The following CCSER1 variants were observed in gnomAD, a reference collection of about 807,000 sequenced individuals.
CCSER1 encodes coiled-coil serine rich protein 1.
Under a neutral mutation model 82.0 loss-of-function variants are expected in CCSER1, and 41 were observed. The ratio of observed to expected loss-of-function variants is 0.50; its 90% CI spans 0.39 to 0.65. The LOEUF is 0.65. CCSER1 is among the 30% of genes least tolerant of loss of function. The pLI is 0.00. For missense variants in CCSER1, 1,119 were observed against 1,064.2 expected (o/e 1.05, Z -0.72); for synonymous variants, 414 against 383.9 (o/e 1.08, Z -0.92).
At chr4:90,795,287 C>CA (rs55780432) in intron 7 of CCSER1, among the ~76,000 whole-genome samples, 26,621 of 127,306 alleles carry the variant, frequency 0.21, 3,094 homozygotes, top group Middle Eastern at 0.29. Context: ...AACTCTGTCT[C>CA]AAAAAAAAAA....
chr4:90,918,649 A>G (rs1157301753), intron 8 of CCSER1, among the ~76,000 whole-genome samples: 3 of 151,450 alleles, frequency 2.0e-5, no homozygotes, highest in South Asian at 2.1e-4. Flanking sequence ...ATATATATAT[A>G]TATATTAGTA....
chr4:90,522,905 A>T (rs1578947736), intron 5 of CCSER1, among the ~76,000 whole-genome samples: 1 of 152,108 alleles, frequency 6.6e-6, no homozygotes, highest in Non-Finnish European at 1.5e-5. Flanking sequence ...ATTGACTTAA[A>T]TTAAGTCTCT....
intron 6 of CCSER1, among the ~76,000 whole-genome samples, chr4:90,702,457 G>C (rs1738361092): frequency 2.0e-5 from 3 of 152,092 alleles, no homozygotes; most frequent in Admixed American, 2.0e-4. Flanking sequence ...TCCCTGCCAG[G>C]CTTTGGTATC....
At position 91,603,065 on chromosome 4, in the gene CCSER1, G is replaced by GACA. The variant is rs1482754943; in HGVS notation, c.*4011_*4013dup. On this transcript the variant is annotated 3_prime_UTR_variant, in exon 11 of 11. Coordinates refer to ENST00000509176, the MANE Select transcript of CCSER1 (RefSeq NM_001145065.2). The stretch of plus-strand genomic sequence containing the variant: ...CTTTCTCATGTGGTAAATTTATCAT[G>GACA]ACAACTCTAGGCTGTAGAAGGCGTA... Among the ~76,000 whole-genome samples, 12 of 151,964 alleles carry GACA rather than the reference G, an allele frequency of 7.9e-5. No homozygotes were observed. The highest frequency in any genetic ancestry group is 1.5e-4 in the Non-Finnish European group (10 of 67,950).
At chr4:91,264,954 T>C (rs898850576) in intron 10 of CCSER1, among the ~76,000 whole-genome samples, 1 of 152,088 alleles carries the variant, frequency 6.6e-6, no homozygotes, top group African/African-American at 2.4e-5. Context: ...ATTATTTGTC[T>C]ACATTTGTTT....
At chr4:91,059,180 G>A (rs768852934) in intron 9 of CCSER1, among the ~76,000 whole-genome samples, 8 of 151,254 alleles carry the variant, frequency 5.3e-5, no homozygotes, top group Non-Finnish European at 8.9e-5. Flanking sequence ...ATTCTAATTT[G>A]GTTTATATTC....
At chr4:90,854,442 T>G (rs995254897) in intron 8 of CCSER1, among the ~76,000 whole-genome samples, 16 of 152,316 alleles carry the variant, frequency 1.1e-4, no homozygotes, top group African/African-American at 3.1e-4. Flanking sequence ...TAAACAATTA[T>G]CCACTCTATG....
chr4:90,738,835 G>T (rs986175912), intron 7 of CCSER1, among the ~76,000 whole-genome samples: 1 of 152,140 alleles, frequency 6.6e-6, no homozygotes, highest in African/African-American at 2.4e-5. Context: ...TATGGTGAAT[G>T]CTCTTGTCCT....
At chr4:90,856,341 TATAG>T (rs1449974332) in intron 8 of CCSER1, among the ~76,000 whole-genome samples, 1 of 152,168 alleles carries the variant, frequency 6.6e-6, no homozygotes, top group African/African-American at 2.4e-5. Flanking sequence ...TAAGATAATA[TATAG>T]AAAGTAACAT....
At chr4:90,591,451 T>G (rs866614990) in intron 5 of CCSER1, among the ~76,000 whole-genome samples, 2 of 152,094 alleles carry the variant, frequency 1.3e-5, no homozygotes, top group Non-Finnish European at 2.9e-5. Context: ...CCATCACTGG[T>G]CATTAGAGAA....
At chr4:90,333,457 A>C (rs1384308888) in intron 3 of CCSER1, among the ~76,000 whole-genome samples, 1 of 152,200 alleles carries the variant, frequency 6.6e-6, no homozygotes. Flanking sequence ...TAAAACCAAG[A>C]AAAAAATCAG....
At chr4:90,352,784 A>G (rs760590155) in intron 3 of CCSER1, among the ~76,000 whole-genome samples, 4 of 152,200 alleles carry the variant, frequency 2.6e-5, no homozygotes, top group Non-Finnish European at 5.9e-5. Flanking sequence ...GGGGAATAAT[A>G]TATACCTTGA....
intron 9 of CCSER1, among the ~76,000 whole-genome samples, chr4:90,969,348 A>G (rs1000631119): frequency 6.6e-6 from 1 of 152,030 alleles, no homozygotes; most frequent in Non-Finnish European, 1.5e-5. Flanking sequence ...ATACCAAGAC[A>G]CACGATAAAA....
chr4:91,128,029 A>T (rs1727664328), intron 10 of CCSER1, among the ~76,000 whole-genome samples: 1 of 152,016 alleles, frequency 6.6e-6, no homozygotes, highest in Non-Finnish European at 1.5e-5. Flanking sequence ...GTGTTCAACC[A>T]TGAATCTTAT....
intron 5 of CCSER1, among the ~76,000 whole-genome samples, chr4:90,535,701 A>G (rs886392652): frequency 2.0e-5 from 3 of 152,208 alleles, no homozygotes; most frequent in Non-Finnish European, 2.9e-5. Context: ...GGCAAATAGT[A>G]GTTCAATAAA....
intron 5 of CCSER1, among the ~76,000 whole-genome samples, chr4:90,527,445 G>T (rs1382240098): frequency 6.6e-6 from 1 of 151,914 alleles, no homozygotes; most frequent in African/African-American, 2.4e-5. Flanking sequence ...TTTTATGAGA[G>T]ATAAGTGGGA....
intron 10 of CCSER1, among the ~76,000 whole-genome samples, chr4:91,539,174 G>A (rs11945855): frequency 0.029 from 4,385 of 151,628 alleles, 229 homozygotes; most frequent in African/African-American, 0.1. Context: ...TTTTTTGTTT[G>A]GGTAACATGA....
At chr4:90,168,912 T>C (rs1260346257) in intron 1 of CCSER1, among the ~76,000 whole-genome samples, 2 of 151,490 alleles carry the variant, frequency 1.3e-5, no homozygotes, top group East Asian at 3.9e-4. Flanking sequence ...GGTAGCGTGA[T>C]GCCTCCAGCT....
At chr4:90,673,812 A>G (rs67942343) in intron 6 of CCSER1, among the ~76,000 whole-genome samples, 54,287 of 151,850 alleles carry the variant, frequency 0.36, 10,403 homozygotes, top group Middle Eastern at 0.52. Context: ...TTTAAGATAC[A>G]TAACATCTAG....
Sources: allele counts gnomAD v4.1 joint callset (sites outside exome capture counted in the v4.1 genomes callset), GRCh38; gene constraint gnomAD v4.1.1; transcripts MANE v1.5; gene names NCBI Gene and HGNC (gene_info 2026-07-23, HGNC 2026-07-21).